NRG3: variants seen among roughly 807,000 people sequenced by gnomAD.
The protein encoded by NRG3 is pro-neuregulin-3, membrane-bound isoform.
Under a neutral mutation model 66.9 loss-of-function variants are expected in NRG3, and 31 were observed. The observed-to-expected ratio is 0.46, with a 90% confidence interval of 0.35 to 0.63. The LOEUF (loss-of-function observed/expected upper bound fraction) is 0.63, where lower values mean the gene tolerates loss of function less well. Ranked by LOEUF, NRG3 falls within the 20% of genes least tolerant of loss-of-function variation. The probability of loss-of-function intolerance (pLI) is 0.00; values close to 1 mark genes in which losing one functional copy is unlikely to be tolerated. For missense variants in NRG3, 910 were observed against 878.9 expected (o/e 1.04, Z -0.45); for synonymous variants, 393 against 359.4 (o/e 1.09, Z -1.06).
intron 1 of NRG3, among the ~76,000 whole-genome samples, chr10:82,247,343 T>G (rs931667712): frequency 2.0e-5 from 3 of 152,200 alleles, no homozygotes; most frequent in Non-Finnish European, 4.4e-5. Context: ...GGTTCCTGTG[T>G]GGGCTCTCTT....
chr10:82,417,898 C>T (rs998737627), intron 2 of NRG3, among the ~76,000 whole-genome samples: 3 of 152,174 alleles, frequency 2.0e-5, no homozygotes, highest in Non-Finnish European at 4.4e-5. Context: ...GGGGAGCTGG[C>T]ACACTGGTTA....
chr10:82,038,182 G>A (rs2062876663), intron 1 of NRG3, among the ~76,000 whole-genome samples: 1 of 152,072 alleles, frequency 6.6e-6, no homozygotes, highest in South Asian at 2.1e-4. Flanking sequence ...AGAGTTCTGA[G>A]CATTCTGAAT....
At chr10:82,582,345 C>T (rs2046404260) in intron 2 of NRG3, among the ~76,000 whole-genome samples, 1 of 152,048 alleles carries the variant, frequency 6.6e-6, no homozygotes, top group African/African-American at 2.4e-5. Flanking sequence ...GAATATACCA[C>T]ATGTAAACTT....
At chr10:82,026,244 C>G (rs905025702) in intron 1 of NRG3, among the ~76,000 whole-genome samples, 3 of 151,958 alleles carry the variant, frequency 2.0e-5, no homozygotes, top group Admixed American at 1.3e-4. Flanking sequence ...ACTGGTGTAT[C>G]CCCTTGCAAA....
intron 1 of NRG3, among the ~76,000 whole-genome samples, chr10:82,100,660 GTGAT>G (rs921113818): frequency 7.2e-5 from 11 of 151,968 alleles, no homozygotes; most frequent in Admixed American, 2.0e-4. Context: ...TCTTACTATG[GTGAT>G]TGATTGATTT....
intron 1 of NRG3, among the ~76,000 whole-genome samples, chr10:82,140,993 A>G (rs1228708490): frequency 6.6e-6 from 1 of 152,150 alleles, no homozygotes; most frequent in Non-Finnish European, 1.5e-5. Context: ...GCACATACAT[A>G]TATTCATATA....
At chr10:82,225,709 T>C (rs919465065) in intron 1 of NRG3, among the ~76,000 whole-genome samples, 1 of 152,192 alleles carries the variant, frequency 6.6e-6, no homozygotes, top group African/African-American at 2.4e-5. Context: ...GTGCAAGGCA[T>C]TGAGTAAGGT....
chr10:82,186,731 A>G (rs2073832640), intron 1 of NRG3, among the ~76,000 whole-genome samples: 1 of 152,212 alleles, frequency 6.6e-6, no homozygotes, highest in Non-Finnish European at 1.5e-5. Flanking sequence ...ACAAACATCT[A>G]TGGGCTTACA....
intron 2 of NRG3, among the ~76,000 whole-genome samples, chr10:82,549,118 ACCT>A (rs2044134159): frequency 6.6e-6 from 1 of 152,030 alleles, no homozygotes; most frequent in South Asian, 2.1e-4. Flanking sequence ...TGTACAGTTA[ACCT>A]CCTCATCTGT....
intron 2 of NRG3, among the ~76,000 whole-genome samples, chr10:82,615,439 A>G (rs2048587104): frequency 6.6e-6 from 1 of 152,098 alleles, no homozygotes; most frequent in Non-Finnish European, 1.5e-5. Context: ...CCTATAGGCT[A>G]TTGGATAAAA....
chr10:82,853,625 G>A lies in NRG3; in HGVS notation c.1028-11786G>A, dbSNP rs538849682. Among the ~76,000 whole-genome samples the A allele has an allele frequency of 6.6e-5, 10 of 152,200 alleles. 1 individual carries two copies. The South Asian group carries it at 2.1e-3, about 32-fold the overall frequency. On this transcript the variant is annotated intron_variant, in intron 3 of 8. Coordinates refer to ENST00000372141, the MANE Select transcript of NRG3 (RefSeq NM_001010848.4). The stretch of plus-strand genomic sequence containing the variant: ...TTGATTGCTGTTGGTGTAGAGCAGT[G>A]CTACTGATTTGTGTACATTAATTTT...
chr10:82,635,149 GGCTAATACA>G lies in NRG3; in HGVS notation c.954-103426_954-103418del, dbSNP rs1293660607. 2.6e-5 allele frequency among the ~76,000 whole-genome samples: 4 copies of G among 152,232 alleles called. No individual in the cohort carries two copies. The East Asian group carries it at 7.7e-4, about 29-fold the overall frequency. ...CTACAAGCAATTCTTGGTTAGGAGA[GGCTAATACA>G]GTGCATCAAACCTAAACCACTCTGC... On this transcript the variant is annotated intron_variant, in intron 2 of 8. Transcript: ENST00000372141.
At chr10:82,828,199 G>A (rs962903190) in intron 3 of NRG3, among the ~76,000 whole-genome samples, 65 of 152,022 alleles carry the variant, frequency 4.3e-4, no homozygotes, top group Admixed American at 7.9e-4. Flanking sequence ...GCGTAAAGAA[G>A]GCTTTAACAA....
At chr10:82,488,366 G>A (rs760370547) in intron 2 of NRG3, among the ~76,000 whole-genome samples, 1 of 152,182 alleles carries the variant, frequency 6.6e-6, no homozygotes, top group African/African-American at 2.4e-5. Context: ...CACAAATCCA[G>A]TAGGGCTGAA....
chr10:82,965,451 T>C (rs1000835032), intron 6 of NRG3, among the ~76,000 whole-genome samples: 2 of 152,172 alleles, frequency 1.3e-5, no homozygotes, highest in African/African-American at 4.8e-5. Flanking sequence ...ATAAATATTT[T>C]TGGGCTGGGC....
intron 1 of NRG3, among the ~76,000 whole-genome samples, chr10:82,014,238 G>T (rs7080968): frequency 0.17 from 26,045 of 152,112 alleles, 2,419 homozygotes; most frequent in Middle Eastern, 0.22. Flanking sequence ...ATAAGCAAGT[G>T]CTTTATACTC....
At chr10:82,442,784 A>ATTTTTTTTTTTTTTTTTTTTT (rs61261285) in intron 2 of NRG3, among the ~76,000 whole-genome samples, 5 of 54,272 alleles carry the variant, frequency 9.2e-5, no homozygotes, top group African/African-American at 2.7e-4. Context: ...TTCTGTGTGG[A>ATTTTTTTTTTTTTTTTTTTTT]TTTTTTTTTT....
intron 2 of NRG3, among the ~76,000 whole-genome samples, chr10:82,407,787 T>A (rs1202481862): frequency 3.3e-5 from 5 of 152,006 alleles, no homozygotes; most frequent in African/African-American, 1.2e-4. Context: ...TAGAAAAATA[T>A]AGGCCGGGTG....
chr10:81,970,510 T>G (rs1306938252), intron 1 of NRG3, among the ~76,000 whole-genome samples: 2 of 152,348 alleles, frequency 1.3e-5, no homozygotes, highest in Non-Finnish European at 2.9e-5. Flanking sequence ...TCTCTATTAT[T>G]TCCGTATTGC....
Sources: gnomAD v4.1 joint callset for allele counts (sites outside exome capture counted in the v4.1 genomes callset) on GRCh38, gnomAD v4.1.1 for gene constraint, MANE v1.5 for transcripts, NCBI Gene and HGNC (gene_info 2026-07-23, HGNC 2026-07-21) for gene names.